SEMA3A: variants seen among roughly 807,000 people sequenced by gnomAD.
SEMA3A encodes the protein semaphorin 3A.
SEMA3A carries 29 observed loss-of-function variants against 97.9 expected under a neutral mutation model. The ratio of observed to expected loss-of-function variants is 0.30; its 90% CI spans 0.22 to 0.40. The LOEUF (loss-of-function observed/expected upper bound fraction) is 0.40, where lower values mean the gene tolerates loss of function less well. Among genes scored for constraint, SEMA3A ranks in the 10% least tolerant of loss-of-function variants. The probability of loss-of-function intolerance (pLI) is 1.00; values close to 1 mark genes in which losing one functional copy is unlikely to be tolerated. For missense variants in SEMA3A, 763 were observed against 951.3 expected, an observed-to-expected ratio of 0.80 and a Z score of 2.60; for synonymous variants, 321 against 323.7, an observed-to-expected ratio of 0.99 and a Z score of 0.09.
intron 4 of SEMA3A, among the ~76,000 whole-genome samples, chr7:84,099,661 T>C (rs1032116505): frequency 6.6e-6 from 1 of 152,166 alleles, no homozygotes; most frequent in Non-Finnish European, 1.5e-5. Flanking sequence ...CTTTTTTTAA[T>C]GAGGAGTTTA....
chr7:84,334,018 A>T (rs1485110247), intron 2 of SEMA3A, among the ~76,000 whole-genome samples: 1 of 152,134 alleles, frequency 6.6e-6, no homozygotes, highest in Non-Finnish European at 1.5e-5. Flanking sequence ...GTATATATCC[A>T]TGTTTCATTT....
chr7:84,275,698 C>T (rs2115721542), intron 3 of SEMA3A, among the ~76,000 whole-genome samples: 1 of 152,054 alleles, frequency 6.6e-6, no homozygotes, highest in Non-Finnish European at 1.5e-5. Flanking sequence ...AATATAATAA[C>T]CATTAGCCAC....
At chr7:84,362,764 A>G (rs62472623) in intron 2 of SEMA3A, among the ~76,000 whole-genome samples, 7,946 of 152,072 alleles carry the variant, frequency 0.052, 240 homozygotes, top group East Asian at 0.13. Context: ...GGATGTATGT[A>G]AGAGTATGGG....
chr7:84,154,696 A>C (rs1007080937), intron 1 of SEMA3A, among the ~76,000 whole-genome samples: 1 of 151,442 alleles, frequency 6.6e-6, no homozygotes, highest in Admixed American at 6.6e-5. Flanking sequence ...AAAAACAAAA[A>C]AAAAAAACAA....
chr7:84,105,584 T>C (rs1260176048), intron 4 of SEMA3A, among the ~76,000 whole-genome samples: 1 of 152,184 alleles, frequency 6.6e-6, no homozygotes, highest in African/African-American at 2.4e-5. Context: ...AGCTCTCATC[T>C]GGGCCTGCCT....
At chr7:84,395,952 C>T (rs145056744) in intron 1 of SEMA3A, among the ~76,000 whole-genome samples, 20 of 152,048 alleles carry the variant, frequency 1.3e-4, no homozygotes, top group African/African-American at 2.9e-4. Flanking sequence ...GTTTTAGGAA[C>T]GGAATTAGTA....
chr7:84,413,363 C>T (rs755693225), intron 1 of SEMA3A, among the ~76,000 whole-genome samples: 4 of 152,084 alleles, frequency 2.6e-5, no homozygotes, highest in Non-Finnish European at 4.4e-5. Flanking sequence ...TGTGGTGCCT[C>T]ATACCTGTAA....
intron 3 of SEMA3A, among the ~76,000 whole-genome samples, chr7:84,276,234 A>G (rs966030005): frequency 6.6e-6 from 1 of 152,140 alleles, no homozygotes; most frequent in African/African-American, 2.4e-5. Context: ...AACACTGAAA[A>G]AAGATGAACA....
intron 2 of SEMA3A, among the ~76,000 whole-genome samples, chr7:84,321,901 A>AAAAAAAAAC (rs1801658504): frequency 1.1e-5 from 1 of 94,616 alleles, no homozygotes; most frequent in Non-Finnish European, 2.1e-5. Flanking sequence ...AAAAAAAAAG[A>AAAAAAAAAC]AGAAGAAGAA....
intron 1 of SEMA3A, among the ~76,000 whole-genome samples, chr7:84,163,787 T>G (rs1584064488): frequency 1.3e-5 from 2 of 152,092 alleles, no homozygotes; most frequent in Admixed American, 1.3e-4. Flanking sequence ...ATATTTAGGC[T>G]TTTCAGATAA....
chr7:84,469,251 G>A (rs1243652513), intron 1 of SEMA3A, among the ~76,000 whole-genome samples: 2 of 152,108 alleles, frequency 1.3e-5, no homozygotes, highest in Non-Finnish European at 2.9e-5. Flanking sequence ...TGTTAGTACT[G>A]CTATCCCATT....
intron 1 of SEMA3A, among the ~76,000 whole-genome samples, chr7:84,375,168 C>T (rs577447150): frequency 2.6e-5 from 4 of 152,104 alleles, no homozygotes; most frequent in Non-Finnish European, 5.9e-5. Context: ...TACAGGCACC[C>T]GCCAACACAT....
intron 1 of SEMA3A, among the ~76,000 whole-genome samples, chr7:84,155,962 AC>A (rs957886159): frequency 1.3e-5 from 2 of 152,222 alleles, no homozygotes; most frequent in African/African-American, 4.8e-5. Flanking sequence ...CATATAAAAT[AC>A]CTGTCTCTAA....
chr7:84,020,914 G>A (rs1198261489), intron 6 of SEMA3A, among the ~76,000 whole-genome samples: 1 of 152,090 alleles, frequency 6.6e-6, no homozygotes, highest in Non-Finnish European at 1.5e-5. Context: ...ACATTTTCCA[G>A]AACAGATTTC....
chr7:84,428,193 A>G (rs759938810), intron 1 of SEMA3A, among the ~76,000 whole-genome samples: 2 of 152,120 alleles, frequency 1.3e-5, no homozygotes, highest in Non-Finnish European at 2.9e-5. Flanking sequence ...AAGCTCATAG[A>G]TAATAAAGCA....
At chr7:84,310,544 C>T (rs1801288019) in intron 2 of SEMA3A, among the ~76,000 whole-genome samples, 2 of 151,944 alleles carry the variant, frequency 1.3e-5, no homozygotes, top group Non-Finnish European at 2.9e-5. Flanking sequence ...AATTCTTTAT[C>T]TTATCTATTT....
intron 1 of SEMA3A, among the ~76,000 whole-genome samples, chr7:84,407,403 C>G (rs898701573): frequency 2.0e-5 from 3 of 152,026 alleles, no homozygotes; most frequent in Non-Finnish European, 2.9e-5. Flanking sequence ...AGGATACAAA[C>G]AAATGGAAGA....
chr7:84,153,442 C>T (rs191961813), intron 1 of SEMA3A, among the ~76,000 whole-genome samples: 3 of 152,142 alleles, frequency 2.0e-5, no homozygotes, highest in Admixed American at 1.3e-4. Flanking sequence ...TTATTACTGA[C>T]CTTAGAAATC....
intron 1 of SEMA3A, among the ~76,000 whole-genome samples, chr7:84,477,232 T>A (rs1414562269): frequency 1.0e-4 from 15 of 149,308 alleles, no homozygotes; most frequent in African/African-American, 3.7e-4. Context: ...AGGTCAGGAG[T>A]TCAAGACCAG....
Sources: allele counts gnomAD v4.1 joint callset (sites outside exome capture counted in the v4.1 genomes callset), GRCh38; gene constraint gnomAD v4.1.1; transcripts MANE v1.5; gene names NCBI Gene and HGNC (gene_info 2026-07-23, HGNC 2026-07-21).